SNAP91: variants seen among roughly 807,000 people sequenced by gnomAD.
The protein encoded by SNAP91 is clathrin coat assembly protein AP180.
Under a neutral mutation model 100.3 loss-of-function variants are expected in SNAP91, and 27 were observed. The observed-to-expected ratio is 0.27, with a 90% confidence interval of 0.20 to 0.37. The LOEUF is 0.37. SNAP91 is among the 10% of genes least tolerant of loss of function. The pLI is 1.00. For synonymous variants in SNAP91, 404 were observed against 398.6 expected (o/e 1.01, Z -0.16); for missense variants, 986 against 1,123.7 (o/e 0.88, Z 1.75).
intron 11 of SNAP91, among the ~76,000 whole-genome samples, chr6:83,612,674 G>A (rs928778750): frequency 2.0e-5 from 3 of 151,930 alleles, no homozygotes; most frequent in East Asian, 1.9e-4. Context: ...TCAGGAGTTC[G>A]ACACCAGCCT....
intron 8 of SNAP91, among the ~76,000 whole-genome samples, chr6:83,633,508 C>G (rs1483901643): frequency 1.3e-5 from 2 of 152,054 alleles, no homozygotes; most frequent in Non-Finnish European, 2.9e-5. Context: ...AAGGGCAGGG[C>G]TAGGCATGTT....
chr6:83,635,785 T>C (rs2097417081), intron 8 of SNAP91, among the ~76,000 whole-genome samples: 1 of 152,186 alleles, frequency 6.6e-6, no homozygotes, highest in Admixed American at 6.5e-5. Context: ...ACTATGTACT[T>C]ATATGTGTTT....
intron 28 of SNAP91, among the ~76,000 whole-genome samples, chr6:83,559,088 G>C (rs974181201): frequency 6.6e-6 from 1 of 152,170 alleles, no homozygotes; most frequent in Non-Finnish European, 1.5e-5. Context: ...TTTCTCAAAT[G>C]ATAGGCATGT....
chr6:83,651,533 A>C (rs1475954312), intron 7 of SNAP91, among the ~76,000 whole-genome samples: 1 of 152,010 alleles, frequency 6.6e-6, no homozygotes, highest in Non-Finnish European at 1.5e-5. Context: ...TTTAATCTCC[A>C]CCTATTCTGA....
At chr6:83,580,742 A>T in intron 23 of SNAP91, 143 bp from the exon 24 acceptor site, 2 of 708,040 alleles carry the variant, frequency 2.8e-6, no homozygotes, top group Non-Finnish European at 4.5e-6. Flanking sequence ...CACACTTTTC[A>T]TGACTGTAAC....
rs6906536 is a variant in SNAP91, at chr6:83,553,560, A to T, written c.*736T>A. On this transcript the variant is annotated 3_prime_UTR_variant, in exon 30 of 30. Transcript: ENST00000369694. ...CAAGAATGAATAAATAGGTCAATTT[A>T]GATGCAAAACCTGTCAAATATAATT... 2.0e-5 allele frequency: 3 copies of T among 152,148 alleles called. No homozygotes were observed. The highest frequency in any genetic ancestry group is 7.2e-5 in the African/African-American group (3 of 41,442). The allele number at this position is 152,148 out of a possible 1,614,324, so 9.4% of individuals were successfully genotyped here.
chr6:83,575,271 A>T, intron 25 of SNAP91, 150 bp from the exon 26 acceptor site: 1 of 625,338 alleles, frequency 1.6e-6, no homozygotes. Context: ...TAAAACTTAC[A>T]GAGGAATCTT....
chr6:83,680,615 C>A (rs1305100178), intron 2 of SNAP91, among the ~76,000 whole-genome samples: 2 of 152,106 alleles, frequency 1.3e-5, no homozygotes, highest in Non-Finnish European at 2.9e-5. Flanking sequence ...GGATGATATA[C>A]AAGTTTGCGG....
At chr6:83,598,136 T>G (rs552458632) in intron 16 of SNAP91, among the ~76,000 whole-genome samples, 1 of 152,324 alleles carries the variant, frequency 6.6e-6, no homozygotes, top group East Asian at 1.9e-4. Context: ...AATGTGCTAT[T>G]GTCAGTAAAA....
chr6:83,644,286 C>A (rs777323464), intron 7 of SNAP91, among the ~76,000 whole-genome samples: 6 of 152,052 alleles, frequency 3.9e-5, no homozygotes, highest in Admixed American at 3.3e-4. Context: ...CAATAAAAAG[C>A]ACTCGATCAT....
At chr6:83,569,700 G>A (rs1290782168) in intron 26 of SNAP91, among the ~76,000 whole-genome samples, 2 of 152,140 alleles carry the variant, frequency 1.3e-5, no homozygotes, top group Admixed American at 6.5e-5. Context: ...CCTGGTGGGA[G>A]GTAATTGAAT....
intron 8 of SNAP91, among the ~76,000 whole-genome samples, chr6:83,637,224 G>A (rs1199211959): frequency 1.3e-5 from 2 of 152,188 alleles, no homozygotes; most frequent in Non-Finnish European, 2.9e-5. Context: ...TCAAGTACTG[G>A]TGCTGCACCC....
At chr6:83,595,652 C>T (rs1158390080) in intron 16 of SNAP91, among the ~76,000 whole-genome samples, 5 of 152,136 alleles carry the variant, frequency 3.3e-5, no homozygotes, top group Admixed American at 3.3e-4. Context: ...GACTTTCCAT[C>T]CCCAAATACT....
rs375913796 is a variant in SNAP91, at chr6:83,669,235, T to C, written c.131-3654A>G. 6.3e-3 allele frequency among the ~76,000 whole-genome samples: 950 copies of C among 151,994 alleles called. 7 individuals are homozygous for C. Among genetic ancestry groups the C allele is most frequent in the African/African-American group, 0.022 (900 of 41,392 alleles). On this transcript the variant is annotated intron_variant, in intron 2 of 29. Coordinates refer to ENST00000369694, the MANE Select transcript of SNAP91 (RefSeq NM_001242792.2). Reference sequence around the variant, plus strand: ...CATACTTAAAAGTGTTTTTCCATAGTCATTGCTTCAAATGCTCTCATAAGT... The same window carrying C: ...CATACTTAAAAGTGTTTTTCCATAGCCATTGCTTCAAATGCTCTCATAAGT...
intron 9 of SNAP91, among the ~76,000 whole-genome samples, chr6:83,619,723 A>T (rs968218758): frequency 6.6e-6 from 1 of 152,210 alleles, no homozygotes; most frequent in Non-Finnish European, 1.5e-5. Context: ...TTTTTCATAA[A>T]TGAAGATATT....
intron 2 of SNAP91, among the ~76,000 whole-genome samples, chr6:83,683,974 C>T (rs1447685844): frequency 3.9e-5 from 6 of 152,190 alleles, no homozygotes; most frequent in African/African-American, 9.6e-5. Context: ...TAATAATCTT[C>T]GAACTATCTT....
At chr6:83,658,648 T>C (rs983113185) in intron 6 of SNAP91, among the ~76,000 whole-genome samples, 1 of 151,990 alleles carries the variant, frequency 6.6e-6, no homozygotes, top group Admixed American at 6.6e-5. Flanking sequence ...AAATAAAAAA[T>C]AAAAAAGATT....
intron 2 of SNAP91, among the ~76,000 whole-genome samples, chr6:83,681,508 T>C (rs571676095): frequency 1.3e-5 from 2 of 151,908 alleles, no homozygotes; most frequent in East Asian, 1.9e-4. Context: ...ATGGTACATA[T>C]ACAAAAATCC....
intron 26 of SNAP91, among the ~76,000 whole-genome samples, chr6:83,570,851 C>A (rs1245026143): frequency 1.3e-5 from 2 of 152,136 alleles, no homozygotes; most frequent in African/African-American, 2.4e-5. Context: ...TCATGGAGAA[C>A]CTCTGTTAGG....
Sources: gnomAD v4.1 joint callset for allele counts (sites outside exome capture counted in the v4.1 genomes callset) on GRCh38, gnomAD v4.1.1 for gene constraint, MANE v1.5 for transcripts, NCBI Gene and HGNC (gene_info 2026-07-23, HGNC 2026-07-21) for gene names.